EIF4G3: variants seen among roughly 807,000 people sequenced by gnomAD.
EIF4G3 encodes the protein eIF-4-gamma 3.
EIF4G3 carries 34 observed loss-of-function variants against 186.4 expected under a neutral mutation model. The observed-to-expected ratio is 0.18, with a 90% CI of 0.14 to 0.24. EIF4G3 has a LOEUF of 0.24. EIF4G3 is among the 10% of genes least tolerant of loss of function. EIF4G3 has a pLI of 1.00. For synonymous variants in EIF4G3, 673 were observed against 679.5 expected (o/e 0.99, Z 0.15); for missense variants, 1,536 against 1,948.5 (o/e 0.79, Z 3.99).
chr1:21,145,321 C>CAAA (rs2097419926), intron 2 of EIF4G3, among the ~76,000 whole-genome samples: 1 of 122,562 alleles, frequency 8.2e-6, no homozygotes, highest in African/African-American at 2.8e-5. Flanking sequence ...AAAAACAAAA[C>CAAA]AAAACAAACA....
intron 3 of EIF4G3, among the ~76,000 whole-genome samples, chr1:21,070,948 G>A (rs2095423427): frequency 6.6e-6 from 1 of 152,158 alleles, no homozygotes; most frequent in Non-Finnish European, 1.5e-5. Flanking sequence ...TTTCTTGAGA[G>A]TAGGTACAAC....
intron 2 of EIF4G3, chr1:21,175,931 G>C (rs560233994): frequency 9.5e-6 from 2 of 211,638 alleles, no homozygotes; most frequent in East Asian, 1.1e-4. Context: ...TAAAAGGAAG[G>C]GGCTGCAGAA....
In EIF4G3 at chr1:20,865,412, A is replaced by G. The variant is rs1002974357; in HGVS notation, c.2623-150T>C. 3.9e-6 allele frequency: 3 copies of G among 764,164 alleles called. No homozygotes were observed. In the African/African-American group the frequency reaches 5.3e-5, roughly 13 times the overall value. 47.3% of individuals were successfully genotyped at this position (764,164 alleles called of 1,614,324 possible). ...ACAATATAGCTTCAGGCATTTCATG[A>G]TTCAACAGTAATATGTCTTAAATTT... On this transcript the variant is annotated intron_variant, in intron 20 of 36. Transcript: ENST00000602326.
At chr1:20,943,970 TTTTTTGTGTGTGTG>T (rs1346902797) in intron 13 of EIF4G3, among the ~76,000 whole-genome samples, 2,918 of 80,312 alleles carry the variant, frequency 0.036, 181 homozygotes, top group Middle Eastern at 0.055. Flanking sequence ...TGTCTTTATT[TTTTTTGTGTGTGTG>T]TGTGTGTGTG....
chr1:20,980,584 C>T (rs2077736315), intron 9 of EIF4G3, 136 bp from the exon 10 acceptor site: 6 of 607,966 alleles, frequency 9.9e-6, no homozygotes, highest in East Asian at 6.7e-5. Flanking sequence ...TGAGGTAAAG[C>T]GATTGGGTCA....
intron 14 of EIF4G3, among the ~76,000 whole-genome samples, chr1:20,917,531 T>A (rs2094013290): frequency 6.6e-6 from 1 of 152,090 alleles, no homozygotes; most frequent in African/African-American, 2.4e-5. Flanking sequence ...CAAAAAACAG[T>A]TTATGCTTTC....
intron 2 of EIF4G3, among the ~76,000 whole-genome samples, chr1:21,126,250 G>A (rs111883700): frequency 0.014 from 2,116 of 150,158 alleles, 16 homozygotes; most frequent in Non-Finnish European, 0.022. Flanking sequence ...AAAAAAAGCT[G>A]GCACAGAAAA....
At position 20,872,814 on chromosome 1, in the gene EIF4G3, C is replaced by A. The variant is rs375833008; in HGVS notation, c.2622+6509G>T. ...GCTCACTGCAACCTCAACCTCCCTGCCTCAAGCAATTCTCCTGCCTCAAGC... is the reference window on the plus strand; with the variant it reads ...GCTCACTGCAACCTCAACCTCCCTGACTCAAGCAATTCTCCTGCCTCAAGC... On this transcript the variant is annotated intron_variant, in intron 20 of 36. Transcript: ENST00000602326. 4.2e-4 allele frequency among the ~76,000 whole-genome samples: 63 copies of A among 149,838 alleles called. 3 individuals are homozygous for A. The South Asian group carries it at 0.013, about 31-fold the overall frequency.
At chr1:21,136,328 C>A (rs551512441) in intron 2 of EIF4G3, among the ~76,000 whole-genome samples, 26 of 152,074 alleles carry the variant, frequency 1.7e-4, no homozygotes, top group Admixed American at 8.5e-4. Flanking sequence ...GCCAACCTGA[C>A]CAACATGGTG....
chr1:20,967,854 C>T (rs2075036966), intron 12 of EIF4G3, among the ~76,000 whole-genome samples: 1 of 152,182 alleles, frequency 6.6e-6, no homozygotes, highest in African/African-American at 2.4e-5. Flanking sequence ...GTAAACTGGG[C>T]TCCAAGGAAC....
At chr1:21,038,570 T>G (rs2093376038) in intron 4 of EIF4G3, among the ~76,000 whole-genome samples, 1 of 152,218 alleles carries the variant, frequency 6.6e-6, no homozygotes, top group Non-Finnish European at 1.5e-5. Flanking sequence ...CATTCATTTG[T>G]CACACGAGAC....
chr1:21,043,976 A>AT (rs900353247), intron 4 of EIF4G3, among the ~76,000 whole-genome samples: 3 of 152,148 alleles, frequency 2.0e-5, no homozygotes, highest in African/African-American at 7.2e-5. Flanking sequence ...GTTGCAACTA[A>AT]TTTTTTAAAT....
At chr1:21,118,113 A>G (rs1306612360) in intron 2 of EIF4G3, among the ~76,000 whole-genome samples, 1 of 152,172 alleles carries the variant, frequency 6.6e-6, no homozygotes, top group African/African-American at 2.4e-5. Context: ...TAGAAAAGTT[A>G]TTAAGAAATT....
chr1:21,022,064 C>G (rs1021630479), intron 4 of EIF4G3, among the ~76,000 whole-genome samples: 2 of 152,072 alleles, frequency 1.3e-5, no homozygotes, highest in African/African-American at 4.8e-5. Flanking sequence ...GCAAAAATAC[C>G]TCAACGATGG....
chr1:21,094,515 G>A (rs972871208), intron 2 of EIF4G3, among the ~76,000 whole-genome samples: 4 of 150,494 alleles, frequency 2.7e-5, no homozygotes, highest in East Asian at 3.9e-4. Flanking sequence ...GGAAACTATC[G>A]CAAAGACAGA....
chr1:20,942,448 T>C, intron 13 of EIF4G3, 118 bp from the exon 14 acceptor site: 1 of 954,458 alleles, frequency 1.0e-6, no homozygotes, highest in East Asian at 2.7e-5. Context: ...GAGACCAATA[T>C]ATTAGACTTA....
At position 20,941,942 on chromosome 1, in the gene EIF4G3, T is replaced by C; in HGVS notation, c.1212A>G (p.Pro404=). ...TAATTAGGTTAGTACTAGAAACCAGTGGAATATCATTAGGTGCTACACTAC... is the reference window on the plus strand; with the variant it reads ...TAATTAGGTTAGTACTAGAAACCAGCGGAATATCATTAGGTGCTACACTAC... The part of the protein sequence containing the change: ...KPCSVAPNDI[P]LVSSTNLINE... Residue 404 remains proline (P), a synonymous_variant, in exon 14 of 37, where the codon CCA becomes CCG. Transcript: ENST00000602326. 1 of 1,614,152 alleles carries C rather than the reference T, an allele frequency of 6.2e-7. No homozygotes were observed. The highest frequency in any genetic ancestry group is 1.1e-5 in the South Asian group (1 of 91,078).
At chr1:20,872,055 G>A (rs1172787191) in intron 20 of EIF4G3, among the ~76,000 whole-genome samples, 2 of 151,862 alleles carry the variant, frequency 1.3e-5, no homozygotes, top group African/African-American at 4.8e-5. Context: ...GTCCAAATGT[G>A]TCAAATCTTA....
chr1:21,148,425 G>A (rs553904014), intron 2 of EIF4G3, among the ~76,000 whole-genome samples: 17 of 152,028 alleles, frequency 1.1e-4, no homozygotes, highest in East Asian at 3.9e-4. Context: ...GTAAACAGCC[G>A]GGCGCGGTGG....
Sources: allele counts gnomAD v4.1 joint callset (sites outside exome capture counted in the v4.1 genomes callset), GRCh38; gene constraint gnomAD v4.1.1; transcripts MANE v1.5; gene names NCBI Gene and HGNC (gene_info 2026-07-23, HGNC 2026-07-21).